Variants in MBD2 observed in about 807,000 individuals in gnomAD.
MBD2 encodes methyl-CpG binding domain protein 2.
In MBD2, 9 loss-of-function variants were observed where a neutral mutation model predicts 39.3. The observed-to-expected ratio is 0.23, with a 90% CI of 0.14 to 0.40. The LOEUF is 0.40. Ranked by LOEUF, MBD2 falls within the 10% of genes least tolerant of loss-of-function variation. MBD2 has a pLI of 1.00. For missense variants in MBD2, 458 were observed against 532.6 expected, an observed-to-expected ratio of 0.86 and a Z score of 1.38; for synonymous variants, 233 against 211.1, an observed-to-expected ratio of 1.10 and a Z score of -0.90.
At chr18:54,207,562 G>A (rs1338159610) in intron 1 of MBD2, among the ~76,000 whole-genome samples, 1 of 152,106 alleles carries the variant, frequency 6.6e-6, no homozygotes, top group African/African-American at 2.4e-5. Context: ...GTTTTCATTT[G>A]CAGACACAAT....
chr18:54,205,947 AACACACACATACAC>A (rs1203625909), intron 1 of MBD2, among the ~76,000 whole-genome samples: 1 of 147,514 alleles, frequency 6.8e-6, no homozygotes, highest in East Asian at 1.9e-4. Context: ...CCTTGTTTAA[AACACACACATACAC>A]ACACACACAC....
chr18:54,215,243 T>C (rs1312379087), intron 1 of MBD2, among the ~76,000 whole-genome samples: 3 of 152,294 alleles, frequency 2.0e-5, no homozygotes, highest in African/African-American at 7.2e-5. Context: ...TCCACAAGTG[T>C]AGAGAAAGCA....
chr18:54,186,615 C>G (rs990490787), intron 3 of MBD2, among the ~76,000 whole-genome samples: 1 of 152,140 alleles, frequency 6.6e-6, no homozygotes, highest in Non-Finnish European at 1.5e-5. Flanking sequence ...AATGCACAGT[C>G]CTATTGGTGA....
In MBD2 at chr18:54,224,497, C is replaced by G. The variant is rs2086646002; in HGVS notation, c.63G>C (p.Ala21=). 8.1e-7 allele frequency: 1 copy of G among 1,235,932 alleles called. No individual in the cohort carries two copies. Among genetic ancestry groups the G allele is most frequent in the Admixed American group, 4.2e-5 (1 of 24,054 alleles). 76.6% of individuals were successfully genotyped at this position (1,235,932 alleles called of 1,614,324 possible). A position where few individuals can be genotyped will look rare whatever the true frequency, so the allele number is the denominator to read the frequency against. ...AGTCGCCGCCAGCGCCGCTGCCGCC[C>G]GCCGCACTCTCCCCCTCCTCCTGCT... is the stretch of plus-strand genomic sequence containing the variant. ...CPEQEEGESA[A]GGSGAGGDSA... Residue 21 remains alanine, a synonymous_variant, in exon 1 of 7, where the codon GCG becomes GCC. Coordinates refer to ENST00000256429, the MANE Select transcript of MBD2 (RefSeq NM_003927.5).
At chr18:54,203,567 C>T (rs1480681833) in intron 2 of MBD2, among the ~76,000 whole-genome samples, 2 of 152,190 alleles carry the variant, frequency 1.3e-5, no homozygotes, top group Non-Finnish European at 2.9e-5. Context: ...AAACAAAGGA[C>T]CTGCCAATGT....
rs1238166397 is a variant in MBD2 at position 54,152,379 on chromosome 18, G to A, written c.*2945C>T. The A allele has an allele frequency of 1.3e-5, 2 of 152,294 alleles. No homozygotes were observed. Among genetic ancestry groups the A allele is most frequent in the South Asian group, 2.1e-4 (1 of 4,830 alleles). 9.4% of individuals were successfully genotyped at this position (152,294 alleles called of 1,614,324 possible). A position where few individuals can be genotyped will look rare whatever the true frequency, so the allele number is the denominator to read the frequency against. On this transcript the variant is annotated 3_prime_UTR_variant, in exon 7 of 7. Transcript: ENST00000256429. ...GCAGTGAGGAATAGTGGCAGCATGA[G>A]GCCAGACAGACAAGCAGGGATCAGA... is the stretch of plus-strand genomic sequence containing the variant.
intron 2 of MBD2, among the ~76,000 whole-genome samples, chr18:54,198,008 C>T (rs2086379468): frequency 6.6e-6 from 1 of 152,212 alleles, no homozygotes. Context: ...GTATCAGTAT[C>T]TTTGGCAACA....
intron 2 of MBD2, among the ~76,000 whole-genome samples, chr18:54,200,609 C>T (rs2086398683): frequency 6.6e-6 from 1 of 152,164 alleles, no homozygotes; most frequent in Non-Finnish European, 1.5e-5. Flanking sequence ...CCCTGCAACA[C>T]CACCTCTTTG....
intron 3 of MBD2, among the ~76,000 whole-genome samples, chr18:54,172,061 T>G (rs1399852574): frequency 1.3e-5 from 2 of 152,200 alleles, no homozygotes; most frequent in African/African-American, 4.8e-5. Context: ...AAGAGAACTA[T>G]CAAATTACTC....
chr18:54,161,071 A>G (rs2086094363), intron 5 of MBD2, among the ~76,000 whole-genome samples: 1 of 152,298 alleles, frequency 6.6e-6, no homozygotes, highest in South Asian at 2.1e-4. Context: ...GAGCAATGCT[A>G]TAGAAGATTG....
chr18:54,160,013 T>C, intron 5 of MBD2, 110 bp from the exon 6 acceptor site: 8 of 1,243,944 alleles, frequency 6.4e-6, no homozygotes, highest in Non-Finnish European at 8.8e-6. Context: ...CTAAGAAGAA[T>C]AGACTTCCTT....
At chr18:54,175,524 T>C (rs771237775) in intron 3 of MBD2, among the ~76,000 whole-genome samples, 11 of 152,182 alleles carry the variant, frequency 7.2e-5, no homozygotes, top group Non-Finnish European at 1.5e-4. Flanking sequence ...ACATTTTCCA[T>C]TTTTCCCCTC....
chr18:54,196,884 C>G (rs2086371116), intron 2 of MBD2, among the ~76,000 whole-genome samples: 1 of 152,332 alleles, frequency 6.6e-6, no homozygotes, highest in East Asian at 1.9e-4. Flanking sequence ...TAACATTCTT[C>G]TGTCACTCTG....
chr18:54,210,103 T>C (rs1198203185), intron 1 of MBD2, among the ~76,000 whole-genome samples: 1 of 151,944 alleles, frequency 6.6e-6, no homozygotes, highest in Non-Finnish European at 1.5e-5. Flanking sequence ...CAAAAAAAAA[T>C]TCCCTACCAA....
At chr18:54,215,814 T>C (rs1265762456) in intron 1 of MBD2, among the ~76,000 whole-genome samples, 1 of 149,458 alleles carries the variant, frequency 6.7e-6, no homozygotes, top group Non-Finnish European at 1.5e-5. Context: ...TGTTTGTTTG[T>C]TTCTGAGACA....
chr18:54,197,825 A>T (rs1167459181), intron 2 of MBD2, among the ~76,000 whole-genome samples: 1 of 152,194 alleles, frequency 6.6e-6, no homozygotes, highest in Non-Finnish European at 1.5e-5. Flanking sequence ...TATCAAATTA[A>T]TAGAAACCTG....
Position 54,224,407 on chromosome 18 carries a change from C to T in MBD2, c.153G>A (p.Arg51=). The T allele has an allele frequency of 8.0e-7, 1 of 1,246,422 alleles. No homozygotes were observed. The highest frequency in any genetic ancestry group is 1.0e-6 in the Non-Finnish European group (1 of 996,934). The allele number at this position is 1,246,422 out of a possible 1,614,324, so 77.2% of individuals were successfully genotyped here. A position where few individuals can be genotyped will look rare whatever the true frequency, so the allele number is the denominator to read the frequency against. The stretch of plus-strand genomic sequence containing the variant: ...CACGGCCGCCGCCCCGAGCGCCTTC[C>T]CTGCGCACGCCGCTCACCGGGGACG... ...LAPSPVSGVR[R]EGARGGGRGR... The change falls in exon 1 of 7, where the codon AGG becomes AGA. Residue 51 remains arginine, a synonymous_variant. Coordinates refer to ENST00000256429, the MANE Select transcript of MBD2 (RefSeq NM_003927.5).
intron 1 of MBD2, among the ~76,000 whole-genome samples, chr18:54,223,341 G>A (rs1599117529): frequency 6.6e-6 from 1 of 152,254 alleles, no homozygotes; most frequent in East Asian, 1.9e-4. Flanking sequence ...TTGTATTATC[G>A]AATATGTAGC....
chr18:54,181,837 G>A (rs555892652), intron 3 of MBD2, among the ~76,000 whole-genome samples: 7 of 152,196 alleles, frequency 4.6e-5, no homozygotes, highest in East Asian at 3.9e-4. Context: ...ACACCTTATC[G>A]CTTATGCCCT....
Sources: gnomAD v4.1 joint callset for allele counts (sites outside exome capture counted in the v4.1 genomes callset) on GRCh38, gnomAD v4.1.1 for gene constraint, MANE v1.5 for transcripts, NCBI Gene and HGNC (gene_info 2026-07-23, HGNC 2026-07-21) for gene names.